CCDC90B: variants seen among roughly 807,000 people sequenced by gnomAD.
CCDC90B encodes the protein coiled-coil domain-containing protein 90B, mitochondrial.
Under a neutral mutation model 37.0 loss-of-function variants are expected in CCDC90B, and 24 were observed. The ratio of observed to expected loss-of-function variants is 0.65; its 90% confidence interval spans 0.47 to 0.91. The LOEUF is 0.91. CCDC90B is among the 40% of genes least tolerant of loss of function. The pLI, the probability that CCDC90B is intolerant of heterozygous loss-of-function variation, is 0.00. For synonymous variants in CCDC90B, 113 were observed against 101.1 expected, an observed-to-expected ratio of 1.12 and a Z score of -0.71; for missense variants, 319 against 299.0, an observed-to-expected ratio of 1.07 and a Z score of -0.49.
intron 3 of CCDC90B, 31 bp downstream of exon 3, chr11:83,278,695 G>GT: frequency 7.5e-7 from 1 of 1,335,236 alleles, no homozygotes; most frequent in East Asian, 2.3e-5. Context: ...TCTAATGAAA[G>GT]TATCAGAAGT....
At chr11:83,277,225 G>C (rs1426517363) in intron 3 of CCDC90B, among the ~76,000 whole-genome samples, 3 of 151,982 alleles carry the variant, frequency 2.0e-5, no homozygotes, top group Admixed American at 6.6e-5. Context: ...CTATATTATA[G>C]GTAAACTTAA....
intron 4 of CCDC90B, 194 bp from the exon 5 acceptor site, chr11:83,274,186 T>A (rs1864879588): frequency 4.9e-6 from 2 of 406,782 alleles, no homozygotes. Flanking sequence ...GCAAAATGCA[T>A]TTGTTTTTAT....
chr11:83,273,759 A>C (rs749243705), intron 6 of CCDC90B, 34 bp downstream of exon 6: 41 of 1,601,680 alleles, frequency 2.6e-5, no homozygotes, highest in Middle Eastern at 1.7e-4. Context: ...AAAAGGAGTA[A>C]GTAACCAAGA....
At chr11:83,277,411 GA>G (rs1282241873) in intron 3 of CCDC90B, among the ~76,000 whole-genome samples, 33 of 152,122 alleles carry the variant, frequency 2.2e-4, no homozygotes, top group Admixed American at 2.2e-3. Context: ...TAAATGTAGG[GA>G]TTGAATGTTT....
rs756058656 is a variant in CCDC90B, at chr11:83,285,887, G to A, written c.86C>T (p.Pro29Leu). The A allele has an allele frequency of 4.3e-6, 7 of 1,612,716 alleles. No homozygotes were observed. Among genetic ancestry groups the A allele is most frequent in the South Asian group, 1.1e-5 (1 of 90,952 alleles). ...CCTTGCCTCACCTCTCCGCAGGGCC[G>A]GCGAGAAATGCCCGCGGGGCCTTGA... ...WVSRPRGHFS[P>L]ALRREFFTTT... The change falls in exon 1 of 9, where the codon CCG (proline) becomes CTG (leucine). Residue 29 changes from proline (P) to leucine (L), a missense_variant. Pro to Leu is a moderately conservative substitution (Grantham distance 98). Coordinates refer to ENST00000529689, the MANE Select transcript of CCDC90B (RefSeq NM_021825.5).
At chr11:83,273,475 T>C (rs545723196) in intron 7 of CCDC90B, 172 bp downstream of exon 7, 51 of 453,440 alleles carry the variant, frequency 1.1e-4, no homozygotes, top group Middle Eastern at 1.1e-3. Flanking sequence ...GGCGACCATC[T>C]ACCTGGTGCC....
rs181377597 is a variant in CCDC90B, at chr11:83,263,649, G to C, written c.710-1683C>G. On this transcript the variant is annotated intron_variant, in intron 8 of 8. Coordinates refer to ENST00000529689, the MANE Select transcript of CCDC90B (RefSeq NM_021825.5). The stretch of plus-strand genomic sequence containing the variant: ...CAAAAGGTGGCGTCTGACCCACGAT[G>C]AACCATTCAGACTCCTTTCTGAGGA... Among the ~76,000 whole-genome samples the C allele has an allele frequency of 1.2e-3, 179 of 152,292 alleles. 1 individual carries two copies. Among genetic ancestry groups the C allele is most frequent in the Non-Finnish European group, 2.2e-3 (147 of 68,032 alleles).
chr11:83,273,908 A>G (rs916893353), intron 5 of CCDC90B, 43 bp downstream of exon 5: 2 of 1,593,182 alleles, frequency 1.3e-6, no homozygotes, highest in African/African-American at 1.4e-5. Context: ...CTTGTAACGA[A>G]TATTTGTTCT....
Position 83,261,888 on chromosome 11 carries a change from C to T in CCDC90B, c.*23G>A, listed in dbSNP as rs767392092. On this transcript the variant is annotated 3_prime_UTR_variant, in exon 9 of 9. Coordinates refer to ENST00000529689, the MANE Select transcript of CCDC90B (RefSeq NM_021825.5). Reference sequence around the variant, plus strand: ...GTTTGGTGTTCTAAGAAGCCAACAGCCACAGCAGGATGAGCATTAATACTA... The same window carrying T: ...GTTTGGTGTTCTAAGAAGCCAACAGTCACAGCAGGATGAGCATTAATACTA... The T allele has an allele frequency of 4.5e-6, 7 of 1,572,736 alleles. No individual in the cohort carries two copies. In the South Asian group the frequency reaches 8.2e-5, roughly 18 times the overall value.
intron 8 of CCDC90B, among the ~76,000 whole-genome samples, chr11:83,263,867 C>T (rs1027122187): frequency 1.3e-5 from 2 of 152,120 alleles, no homozygotes; most frequent in Non-Finnish European, 2.9e-5. Flanking sequence ...ACTTGTGCCC[C>T]ATCCACGGTT....
chr11:83,269,822 C>G (rs1018844152), intron 7 of CCDC90B, among the ~76,000 whole-genome samples: 2 of 152,166 alleles, frequency 1.3e-5, no homozygotes, highest in Non-Finnish European at 2.9e-5. Flanking sequence ...CCAACATCAT[C>G]CTGATACCAA....
intron 8 of CCDC90B, among the ~76,000 whole-genome samples, chr11:83,262,778 G>A (rs921468707): frequency 6.6e-6 from 1 of 152,186 alleles, no homozygotes; most frequent in African/African-American, 2.4e-5. Flanking sequence ...CTTGGTTAAT[G>A]ATAAGATCAT....
chr11:83,263,649 G>A (rs181377597), intron 8 of CCDC90B, among the ~76,000 whole-genome samples: 1 of 152,174 alleles, frequency 6.6e-6, no homozygotes, highest in Non-Finnish European at 1.5e-5. Flanking sequence ...GACCCACGAT[G>A]AACCATTCAG....
intron 7 of CCDC90B, among the ~76,000 whole-genome samples, chr11:83,269,577 G>A (rs1407320403): frequency 6.6e-6 from 1 of 152,118 alleles, no homozygotes; most frequent in African/African-American, 2.4e-5. Flanking sequence ...TAAATTCCTG[G>A]ACACATATAC....
At chr11:83,268,380 T>C (rs1157040178) in intron 7 of CCDC90B, among the ~76,000 whole-genome samples, 3 of 149,994 alleles carry the variant, frequency 2.0e-5, no homozygotes, top group South Asian at 2.1e-4. Flanking sequence ...AAGATGCACA[T>C]AGGCTCAAAA....
At chr11:83,270,136 G>A (rs1347978000) in intron 7 of CCDC90B, among the ~76,000 whole-genome samples, 1 of 152,110 alleles carries the variant, frequency 6.6e-6, no homozygotes, top group Admixed American at 6.5e-5. Flanking sequence ...AATAAACTAG[G>A]TATTGATGGA....
chr11:83,270,614 G>A (rs1166695712), intron 7 of CCDC90B, among the ~76,000 whole-genome samples: 4 of 152,138 alleles, frequency 2.6e-5, no homozygotes, highest in African/African-American at 9.7e-5. Flanking sequence ...CCTCTTCAAG[G>A]ACAACTTCAA....
At chr11:83,271,728 C>G (rs1451581262) in intron 7 of CCDC90B, among the ~76,000 whole-genome samples, 1 of 152,156 alleles carries the variant, frequency 6.6e-6, no homozygotes, top group East Asian at 1.9e-4. Context: ...GGATCTAGAA[C>G]TAGAATTACT....
intron 3 of CCDC90B, 167 bp from the exon 4 acceptor site, chr11:83,274,907 A>G: frequency 2.3e-6 from 1 of 433,522 alleles, no homozygotes; most frequent in Non-Finnish European, 4.1e-6. Flanking sequence ...AAATGAAAAG[A>G]AAGAGATTCA....
Sources: allele counts gnomAD v4.1 joint callset (sites outside exome capture counted in the v4.1 genomes callset), GRCh38; gene constraint gnomAD v4.1.1; transcripts MANE v1.5; gene names NCBI Gene and HGNC (gene_info 2026-07-23, HGNC 2026-07-21).